The following ATRNL1 variants were observed in gnomAD, a reference collection of about 807,000 sequenced individuals.
ATRNL1 encodes attractin-like protein 1.
ATRNL1 carries 95 observed loss-of-function variants against 182.7 expected under a neutral mutation model. That is an observed-to-expected ratio of 0.52 (90% CI 0.44 to 0.62). ATRNL1 has a LOEUF of 0.62. Ranked by LOEUF, ATRNL1 falls within the 20% of genes least tolerant of loss-of-function variation. The pLI is 0.00. For missense variants in ATRNL1, 1,471 were observed against 1,679.5 expected (o/e 0.88, Z 2.17); for synonymous variants, 576 against 568.3 (o/e 1.01, Z -0.19).
intron 26 of ATRNL1, among the ~76,000 whole-genome samples, chr10:115,602,833 G>A (rs1194984437): frequency 6.9e-6 from 1 of 145,628 alleles, no homozygotes; most frequent in East Asian, 2.0e-4. Flanking sequence ...CAGACTGGGT[G>A]ACAGAGCGAG....
intron 9 of ATRNL1, among the ~76,000 whole-genome samples, chr10:115,223,913 G>GTGTATATATATATATA (rs71476115): frequency 1.8e-4 from 10 of 55,938 alleles, no homozygotes; most frequent in African/African-American, 7.5e-4. Context: ...GTGTGTGTGT[G>GTGTATATATATATATA]TATATATATA....
At chr10:115,403,211 T>A (rs840106) in intron 20 of ATRNL1, among the ~76,000 whole-genome samples, 56,170 of 149,462 alleles carry the variant, frequency 0.38, 11,703 homozygotes, top group African/African-American at 0.56. Context: ...TTTAGATTTT[T>A]AAAAATAATG....
At chr10:115,313,737 A>G (rs971240351) in intron 17 of ATRNL1, among the ~76,000 whole-genome samples, 1 of 151,970 alleles carries the variant, frequency 6.6e-6, no homozygotes, top group East Asian at 1.9e-4. Flanking sequence ...AAATACCTGT[A>G]TAACAATATT....
intron 19 of ATRNL1, among the ~76,000 whole-genome samples, chr10:115,363,918 GT>G (rs548341508): frequency 2.0e-5 from 3 of 151,594 alleles, no homozygotes; most frequent in Admixed American, 2.0e-4. Flanking sequence ...TTTGGTTACT[GT>G]AGCCTTGTAG....
At chr10:115,675,972 G>A (rs1945849358) in intron 26 of ATRNL1, among the ~76,000 whole-genome samples, 1 of 152,070 alleles carries the variant, frequency 6.6e-6, no homozygotes, top group Non-Finnish European at 1.5e-5. Context: ...AGCAAGAAAG[G>A]AAGTTCCAAG....
At chr10:115,901,360 C>T (rs1185429451) in intron 28 of ATRNL1, among the ~76,000 whole-genome samples, 1 of 152,092 alleles carries the variant, frequency 6.6e-6, no homozygotes, top group Non-Finnish European at 1.5e-5. Context: ...GAGCCTCACT[C>T]AAGTCTATTT....
intron 27 of ATRNL1, among the ~76,000 whole-genome samples, chr10:115,768,633 C>T (rs1948916609): frequency 6.6e-6 from 1 of 152,130 alleles, no homozygotes; most frequent in Admixed American, 6.6e-5. Context: ...AACACGCTAA[C>T]TTTATGTATC....
intron 8 of ATRNL1, among the ~76,000 whole-genome samples, chr10:115,179,442 C>T (rs1177026832): frequency 6.6e-6 from 1 of 152,154 alleles, no homozygotes; most frequent in Non-Finnish European, 1.5e-5. Context: ...TCTGGAAACA[C>T]TCCCTCCTCT....
intron 26 of ATRNL1, among the ~76,000 whole-genome samples, chr10:115,705,287 TG>T (rs1279018976): frequency 6.6e-6 from 1 of 151,954 alleles, no homozygotes; most frequent in Non-Finnish European, 1.5e-5. Flanking sequence ...CACATTATAG[TG>T]ATTCAAATAC....
At chr10:115,339,482 A>G (rs1855639661) in intron 19 of ATRNL1, among the ~76,000 whole-genome samples, 1 of 151,964 alleles carries the variant, frequency 6.6e-6, no homozygotes, top group Non-Finnish European at 1.5e-5. Flanking sequence ...TATAAATGGG[A>G]TTACTTTCTT....
At chr10:115,379,230 T>C (rs1857849557) in intron 19 of ATRNL1, among the ~76,000 whole-genome samples, 2 of 152,230 alleles carry the variant, frequency 1.3e-5, no homozygotes, top group South Asian at 2.1e-4. Flanking sequence ...AAGGCCACTG[T>C]ATAATGCCTT....
Position 115,785,672 on chromosome 10 carries a change from G to A in ATRNL1, c.3903+58317G>A, listed in dbSNP as rs192214851. 7.2e-5 allele frequency among the ~76,000 whole-genome samples: 11 copies of A among 152,310 alleles called. No individual in the cohort carries two copies. In the East Asian group the frequency reaches 1.9e-3, roughly 27 times the overall value. ...CTACAACCTTTGTGTTCTCTCCAGA[G>A]CATGTTTTCTCATCTTTTGCTATCC... On this transcript the variant is annotated intron_variant, in intron 27 of 28. Transcript: ENST00000355044.
chr10:115,588,137 G>A (rs1313401224), intron 26 of ATRNL1, among the ~76,000 whole-genome samples: 4 of 152,246 alleles, frequency 2.6e-5, no homozygotes, highest in East Asian at 1.9e-4. Context: ...GAAAATGAAA[G>A]GATGGAAAAT....
intron 8 of ATRNL1, among the ~76,000 whole-genome samples, chr10:115,213,251 A>C (rs531734580): frequency 6.6e-6 from 1 of 152,092 alleles, no homozygotes; most frequent in Admixed American, 6.6e-5. Flanking sequence ...GCAGGTAGTC[A>C]CCTAGTTTGG....
chr10:115,933,520 G>T (rs1474996259), intron 28 of ATRNL1, among the ~76,000 whole-genome samples: 1 of 152,194 alleles, frequency 6.6e-6, no homozygotes, highest in Non-Finnish European at 1.5e-5. Context: ...GGGGAAGCCA[G>T]CAGGGATGTC....
At chr10:115,338,578 GA>G (rs1237904500) in intron 19 of ATRNL1, among the ~76,000 whole-genome samples, 9 of 152,244 alleles carry the variant, frequency 5.9e-5, no homozygotes, top group Non-Finnish European at 8.8e-5. Context: ...TGGATTATTA[GA>G]TTTTTTTCTG....
At chr10:115,159,460 A>G (rs1418907803) in intron 5 of ATRNL1, among the ~76,000 whole-genome samples, 2 of 151,468 alleles carry the variant, frequency 1.3e-5, no homozygotes, top group Non-Finnish European at 3.0e-5. Flanking sequence ...TTTATGATGC[A>G]TAATTTTTTT....
intron 28 of ATRNL1, among the ~76,000 whole-genome samples, chr10:115,864,957 G>A (rs1951403519): frequency 1.3e-5 from 2 of 151,210 alleles, no homozygotes; most frequent in South Asian, 4.2e-4. Flanking sequence ...ACTCCAGCCT[G>A]GGCGACAGAG....
chr10:115,430,884 C>A (rs1846127282), intron 21 of ATRNL1, among the ~76,000 whole-genome samples: 1 of 151,954 alleles, frequency 6.6e-6, no homozygotes, highest in Non-Finnish European at 1.5e-5. Flanking sequence ...AAAAGGTCAA[C>A]CTCCCCAGAA....
Sources: allele counts gnomAD v4.1 joint callset (sites outside exome capture counted in the v4.1 genomes callset), GRCh38; gene constraint gnomAD v4.1.1; transcripts MANE v1.5; gene names NCBI Gene and HGNC (gene_info 2026-07-23, HGNC 2026-07-21).